The following DOCK3 variants were observed in gnomAD, a reference collection of about 807,000 sequenced individuals.
DOCK3 encodes dedicator of cytokinesis 3, also known as dedicator of cytokinesis protein 3.
A neutral mutation model predicts 265.6 loss-of-function variants in DOCK3; 60 were observed. The observed-to-expected ratio is 0.23, with a 90% confidence interval of 0.18 to 0.28. The LOEUF (loss-of-function observed/expected upper bound fraction) is 0.28, where lower values mean the gene tolerates loss of function less well. Among genes scored for constraint, DOCK3 ranks in the 10% least tolerant of loss-of-function variants. DOCK3 has a pLI of 1.00. For synonymous variants in DOCK3, 881 were observed against 938.0 expected (o/e 0.94, Z 1.11); for missense variants, 1,981 against 2,594.3 (o/e 0.76, Z 5.14).
intron 5 of DOCK3, among the ~76,000 whole-genome samples, chr3:51,020,778 T>C (rs926668006): frequency 1.3e-5 from 2 of 151,982 alleles, no homozygotes; most frequent in Admixed American, 1.3e-4. Flanking sequence ...CAGATAGTTG[T>C]AGGTGTGCAG....
chr3:50,787,853 T>C (rs1248212696), intron 2 of DOCK3: 4 of 1,101,706 alleles, frequency 3.6e-6, no homozygotes, highest in Non-Finnish European at 5.4e-6. Context: ...AGGAGTCTCT[T>C]TGGATTGAGA....
At chr3:51,267,829 A>T (rs963498088) in intron 23 of DOCK3, among the ~76,000 whole-genome samples, 8 of 152,348 alleles carry the variant, frequency 5.3e-5, no homozygotes, top group Admixed American at 2.0e-4. Flanking sequence ...GGATGAGTTT[A>T]TGTCCTTTGC....
At chr3:50,878,298 A>C (rs960793271) in intron 3 of DOCK3, among the ~76,000 whole-genome samples, 2 of 152,234 alleles carry the variant, frequency 1.3e-5, no homozygotes, top group Non-Finnish European at 1.5e-5. Flanking sequence ...TGAGAGAAGA[A>C]GGCTTCGGAC....
chr3:51,310,166 A>G, intron 27 of DOCK3, 66 bp from the exon 28 acceptor site: 1 of 1,248,210 alleles, frequency 8.0e-7, no homozygotes, highest in Non-Finnish European at 1.1e-6. Context: ...GGCGGCCAGG[A>G]GTGGCCTATT....
chr3:50,955,345 G>A (rs1324259951), intron 5 of DOCK3, among the ~76,000 whole-genome samples: 1 of 152,124 alleles, frequency 6.6e-6, no homozygotes, highest in African/African-American at 2.4e-5. Flanking sequence ...TATGTACTCA[G>A]AGGAATACAA....
chr3:50,847,529 T>G (rs371623481), intron 3 of DOCK3, among the ~76,000 whole-genome samples: 35 of 152,290 alleles, frequency 2.3e-4, no homozygotes, highest in African/African-American at 8.4e-4. Flanking sequence ...TGAGTTTAAA[T>G]CCAGATGTTA....
At chr3:50,804,546 G>A (rs2043290000) in intron 2 of DOCK3, among the ~76,000 whole-genome samples, 4 of 152,170 alleles carry the variant, frequency 2.6e-5, no homozygotes, top group African/African-American at 7.2e-5. Flanking sequence ...AGACCAGCCC[G>A]GCTAACACGG....
At chr3:50,725,982 C>T (rs12639126) in intron 1 of DOCK3, among the ~76,000 whole-genome samples, 137,882 of 152,246 alleles carry the variant, frequency 0.91, 62,590 homozygotes, top group African/African-American at 0.95. Context: ...TACAATGTCG[C>T]GGATATAAAA....
In DOCK3 at chr3:51,361,990, A is replaced by G. The variant is rs200914893; in HGVS notation, c.5138A>G (p.His1713Arg). 2.1e-4 allele frequency: 332 copies of G among 1,606,340 alleles called. No homozygotes were observed. Among genetic ancestry groups the G allele is most frequent in the Middle Eastern group, 3.3e-4 (2 of 6,054 alleles). Residue 1713 changes from histidine (H) to arginine (R), a missense_variant, in exon 48 of 53, where the codon CAC (histidine) becomes CGC (arginine). His to Arg is a conservative substitution (Grantham distance 29, BLOSUM62 0). Coordinates refer to ENST00000266037, the MANE Select transcript of DOCK3 (RefSeq NM_004947.5). This position sits in a 1 kb window ranked among gnomAD's most constrained non-coding sequence, Gnocchi z 4.2. Reference sequence around the variant, plus strand: ...GATGCTCCTGAGGACCTGTACCACCACATGCAGGTACAGAGCTGTCCACGG... The same window carrying G: ...GATGCTCCTGAGGACCTGTACCACCGCATGCAGGTACAGAGCTGTCCACGG... ...MGDAPEDLYH[H>R]MQLAYPNPRY...
At chr3:50,839,822 G>A (rs1373632132) in intron 2 of DOCK3, among the ~76,000 whole-genome samples, 1 of 148,110 alleles carries the variant, frequency 6.8e-6, no homozygotes, top group African/African-American at 2.5e-5. Flanking sequence ...AGGCTGGAGT[G>A]CAGTGGCACC....
chr3:51,135,914 T>G (rs1412941425), intron 9 of DOCK3, among the ~76,000 whole-genome samples: 2 of 152,038 alleles, frequency 1.3e-5, no homozygotes, highest in Admixed American at 1.3e-4. Flanking sequence ...CTCGCCATAT[T>G]TCCAAAGCTG....
At chr3:51,276,551 G>T (rs928029045) in intron 25 of DOCK3, 1 of 524,706 alleles carries the variant, frequency 1.9e-6, no homozygotes, top group Non-Finnish European at 2.4e-6. Context: ...GTTATGATCA[G>T]TTCGACAGAT....
At chr3:50,694,047 T>A (rs2035444272) in intron 1 of DOCK3, among the ~76,000 whole-genome samples, 1 of 151,768 alleles carries the variant, frequency 6.6e-6, no homozygotes, top group African/African-American at 2.4e-5. Flanking sequence ...GGCAGGAGGA[T>A]CACCTGAGGT....
intron 32 of DOCK3, among the ~76,000 whole-genome samples, chr3:51,324,024 A>T (rs1009782447): frequency 1.3e-5 from 2 of 152,224 alleles, no homozygotes; most frequent in African/African-American, 4.8e-5. Flanking sequence ...TAAGACATAG[A>T]TGCCCTCTCT....
At chr3:51,300,030 T>C (rs965919618) in intron 27 of DOCK3, among the ~76,000 whole-genome samples, 1 of 152,250 alleles carries the variant, frequency 6.6e-6, no homozygotes, top group Non-Finnish European at 1.5e-5. Context: ...CAATATTGAT[T>C]CTTCCTATCC....
At chr3:51,082,544 T>G (rs530356986) in intron 7 of DOCK3, among the ~76,000 whole-genome samples, 1 of 152,280 alleles carries the variant, frequency 6.6e-6, no homozygotes, top group East Asian at 1.9e-4. Context: ...CTGCCACTGA[T>G]AGCAACCCTG....
chr3:51,226,203 T>C (rs145381991), intron 15 of DOCK3, among the ~76,000 whole-genome samples: 1 of 152,310 alleles, frequency 6.6e-6, no homozygotes, highest in Non-Finnish European at 1.5e-5. Flanking sequence ...TACCAAGTTA[T>C]AGGACAAAGA....
At chr3:51,309,266 C>T (rs2082910027) in intron 27 of DOCK3, among the ~76,000 whole-genome samples, 1 of 152,204 alleles carries the variant, frequency 6.6e-6, no homozygotes, top group Admixed American at 6.5e-5. Context: ...AAGCCGAGAT[C>T]ACGCCACTGC....
chr3:51,290,702 A>G (rs559031708), intron 27 of DOCK3, among the ~76,000 whole-genome samples: 31 of 152,282 alleles, frequency 2.0e-4, no homozygotes, highest in African/African-American at 6.7e-4. Context: ...TAAAAGAAAA[A>G]AGACATTTCA....
Sources: gnomAD v4.1 joint callset for allele counts (sites outside exome capture counted in the v4.1 genomes callset) on GRCh38, gnomAD v4.1.1 for gene constraint, Gnocchi (gnomAD v3.1) non-coding constraint, MANE v1.5 for transcripts, NCBI Gene and HGNC (gene_info 2026-07-23, HGNC 2026-07-21) for gene names.